TRIO: variants seen among roughly 807,000 people sequenced by gnomAD.
The protein encoded by TRIO is trio Rho guanine nucleotide exchange factor, also known as triple functional domain protein.
In TRIO, 58 loss-of-function variants were observed where a neutral mutation model predicts 351.9. The ratio of observed to expected loss-of-function variants is 0.16; its 90% CI spans 0.13 to 0.21. TRIO has a LOEUF of 0.21. Ranked by LOEUF, TRIO falls within the 10% of genes least tolerant of loss-of-function variation. TRIO has a pLI of 1.00. For missense variants in TRIO, 3,201 were observed against 4,027.8 expected, an observed-to-expected ratio of 0.79 and a Z score of 5.56; for synonymous variants, 1,758 against 1,595.7, an observed-to-expected ratio of 1.10 and a Z score of -2.42.
chr5:14,418,308 G>C lies in TRIO; in HGVS notation c.4960-1470G>C, dbSNP rs184221841. On this transcript the variant is annotated intron_variant, in intron 33 of 56. Coordinates refer to ENST00000344204, the MANE Select transcript of TRIO (RefSeq NM_007118.4). ...GTGTGAGGGTTTTGCATAAGAGGAT[G>C]ACGTGTTTTTAGAAGGTCTCCTGCC... Among the ~76,000 whole-genome samples the C allele has an allele frequency of 6.6e-4, 101 of 152,272 alleles. 2 individuals are homozygous for C. The highest frequency in any genetic ancestry group is 6.8e-3 in the Middle Eastern group (2 of 294).
intron 1 of TRIO, among the ~76,000 whole-genome samples, chr5:14,147,675 G>A (rs1057385128): frequency 2.0e-5 from 3 of 152,300 alleles, no homozygotes; most frequent in African/African-American, 7.2e-5. Context: ...GTCTATTAGG[G>A]AGAAGCACAC....
intron 39 of TRIO, among the ~76,000 whole-genome samples, chr5:14,473,117 T>C (rs1754804728): frequency 6.6e-6 from 1 of 152,152 alleles, no homozygotes; most frequent in Non-Finnish European, 1.5e-5. Context: ...GTCATTTACT[T>C]GATAGTTTTG....
intron 34 of TRIO, among the ~76,000 whole-genome samples, chr5:14,426,458 G>C (rs1750648941): frequency 6.6e-6 from 1 of 152,192 alleles, no homozygotes; most frequent in Admixed American, 6.5e-5. Flanking sequence ...TTTCCACACA[G>C]AGGCTCCCAT....
At chr5:14,420,651 G>C (rs534480405) in intron 34 of TRIO, 1 of 153,170 alleles carries the variant, frequency 6.5e-6, no homozygotes, top group East Asian at 1.9e-4. Context: ...GAACAGCGGT[G>C]GGCTTCCCCT....
intron 40 of TRIO, among the ~76,000 whole-genome samples, chr5:14,475,158 T>A (rs1246216746): frequency 6.6e-6 from 1 of 152,186 alleles, no homozygotes; most frequent in African/African-American, 2.4e-5. Flanking sequence ...GCTTAAACTT[T>A]AAAAATCCTT....
At chr5:14,295,496 A>G (rs537965983) in intron 6 of TRIO, among the ~76,000 whole-genome samples, 1 of 152,232 alleles carries the variant, frequency 6.6e-6, no homozygotes, top group African/African-American at 2.4e-5. Flanking sequence ...AGCTGTTACA[A>G]TCTAGGAATG....
intron 1 of TRIO, among the ~76,000 whole-genome samples, chr5:14,220,064 T>TA (rs557547088): frequency 0.033 from 4,873 of 149,198 alleles, 94 homozygotes; most frequent in South Asian, 0.05. Context: ...TTTTTTTTTT[T>TA]AAAAACAAAT....
chr5:14,336,607 C>T lies in TRIO; in HGVS notation c.1926C>T (p.Pro642=), dbSNP rs751748859. 5.0e-6 allele frequency: 8 copies of T among 1,614,024 alleles called. No individual in the cohort carries two copies. The highest frequency in any genetic ancestry group is 2.2e-5 in the East Asian group (1 of 44,898). ...TGGCTCAGACTGGGGAATGTGACCCCGAAGAGATTTATCAGGCTGCCCATC... is the reference window on the plus strand; with the variant it reads ...TGGCTCAGACTGGGGAATGTGACCCTGAAGAGATTTATCAGGCTGCCCATC... ...EQLAQTGECD[P]EEIYQAAHQL... Residue 642 remains proline, a synonymous_variant, in exon 11 of 57, where the codon CCC becomes CCT. Transcript: ENST00000344204.
At chr5:14,322,682 A>G (rs1370276783) in intron 9 of TRIO, among the ~76,000 whole-genome samples, 1 of 152,184 alleles carries the variant, frequency 6.6e-6, no homozygotes, top group African/African-American at 2.4e-5. Flanking sequence ...CTCCCTTGTC[A>G]TCTGTTCATT....
chr5:14,163,901 C>T lies in TRIO; in HGVS notation c.157+20019C>T, dbSNP rs543866577. Among the ~76,000 whole-genome samples the T allele has an allele frequency of 2.4e-3, 369 of 152,296 alleles. 1 individual carries two copies. The highest frequency in any genetic ancestry group is 8.4e-3 in the African/African-American group (349 of 41,558). On this transcript the variant is annotated intron_variant, in intron 1 of 56. Transcript: ENST00000344204. ...TCATACATTTTCATGAGCCTCATTTCTTATGTGTCATACAGTAGGAAATTA... is the reference window on the plus strand; with the variant it reads ...TCATACATTTTCATGAGCCTCATTTTTTATGTGTCATACAGTAGGAAATTA...
chr5:14,421,062 T>G (rs1213036676), intron 34 of TRIO, among the ~76,000 whole-genome samples: 2 of 152,134 alleles, frequency 1.3e-5, no homozygotes, highest in Non-Finnish European at 2.9e-5. Context: ...GATATTCTTG[T>G]ACCTGGAAAG....
chr5:14,504,260 G>A, intron 54 of TRIO, 133 bp from the exon 55 acceptor site: 1 of 947,146 alleles, frequency 1.1e-6, no homozygotes, highest in Non-Finnish European at 1.6e-6. Flanking sequence ...GCCCCTCCGT[G>A]GAGTGGCCGG....
At chr5:14,303,986 T>G (rs993068188) in intron 7 of TRIO, among the ~76,000 whole-genome samples, 1 of 152,082 alleles carries the variant, frequency 6.6e-6, no homozygotes, top group Non-Finnish European at 1.5e-5. Flanking sequence ...TTTCATTACA[T>G]CTCAATGAAA....
intron 21 of TRIO, among the ~76,000 whole-genome samples, chr5:14,383,304 AT>A (rs1746274532): frequency 6.6e-6 from 1 of 152,176 alleles, no homozygotes; most frequent in Middle Eastern, 3.2e-3. Flanking sequence ...TAGATTTAAG[AT>A]TTGCCATCTT....
chr5:14,176,426 C>T (rs968245535), intron 1 of TRIO, among the ~76,000 whole-genome samples: 2 of 152,010 alleles, frequency 1.3e-5, no homozygotes, highest in Non-Finnish European at 2.9e-5. Context: ...GCCGAGATCG[C>T]GCCACCGCAC....
At chr5:14,346,461 A>G (rs1742425783) in intron 11 of TRIO, among the ~76,000 whole-genome samples, 1 of 152,244 alleles carries the variant, frequency 6.6e-6, no homozygotes, top group South Asian at 2.1e-4. Flanking sequence ...TTATATCACC[A>G]TATTGAGCAT....
At chr5:14,165,471 T>C (rs561972264) in intron 1 of TRIO, among the ~76,000 whole-genome samples, 1 of 152,368 alleles carries the variant, frequency 6.6e-6, no homozygotes, top group East Asian at 1.9e-4. Context: ...TAGTATTCCA[T>C]GGTGTATATG....
chr5:14,390,526 C>G, intron 26 of TRIO: 1 of 573,494 alleles, frequency 1.7e-6, no homozygotes, highest in Non-Finnish European at 3.1e-6. Flanking sequence ...TTTAGTGTGC[C>G]AGGTCTCCGC....
At chr5:14,187,803 G>A (rs1333658185) in intron 1 of TRIO, among the ~76,000 whole-genome samples, 2 of 152,034 alleles carry the variant, frequency 1.3e-5, no homozygotes, top group South Asian at 2.1e-4. Context: ...TAATGTATTT[G>A]TTTACAAAAC....
Sources: allele counts gnomAD v4.1 joint callset (sites outside exome capture counted in the v4.1 genomes callset), GRCh38; gene constraint gnomAD v4.1.1; transcripts MANE v1.5; gene names NCBI Gene and HGNC (gene_info 2026-07-23, HGNC 2026-07-21).